Variants in FREM1 observed in about 807,000 individuals in gnomAD.
The protein encoded by FREM1 is FRAS1-related extracellular matrix protein 1.
In FREM1, 220 loss-of-function variants were observed where a neutral mutation model predicts 210.1. The ratio of observed to expected loss-of-function variants is 1.05; its 90% CI spans 0.94 to 1.17. FREM1 has a LOEUF of 1.17. Ranked by LOEUF, FREM1 falls within the 50% of genes most tolerant of loss-of-function variation. The pLI is 0.00. For synonymous variants in FREM1, 1,189 were observed against 980.2 expected (o/e 1.21, Z -3.98); for missense variants, 3,454 against 2,675.5 (o/e 1.29, Z -6.42).
Position 14,819,254 on chromosome 9 carries a change from A to T in FREM1, c.2526T>A (p.Asp842Glu). ...CTAACCTAACTTTTAAGGTATGGAGATCGCCCCAAGAAAATGTGCCCCCTG... is the reference window on the plus strand; with the variant it reads ...CTAACCTAACTTTTAAGGTATGGAGTTCGCCCCAAGAAAATGTGCCCCCTG... Reference protein sequence around the residue: ...LNSGGTFSWGDLHTLKVRYQH... With the variant: ...LNSGGTFSWGELHTLKVRYQH... Residue 842 changes from aspartate to glutamate, a missense_variant, in exon 14 of 37, where the codon GAT (aspartate) becomes GAA (glutamate). Coordinates refer to ENST00000380880, the MANE Select transcript of FREM1 (RefSeq NM_001379081.2). 6.2e-7 allele frequency: 1 copy of T among 1,613,050 alleles called. No individual in the cohort carries two copies. Among genetic ancestry groups the T allele is most frequent in the Non-Finnish European group, 8.5e-7 (1 of 1,179,240 alleles).
intron 29 of FREM1, among the ~76,000 whole-genome samples, chr9:14,750,713 A>G (rs1312134917): frequency 1.3e-5 from 2 of 152,116 alleles, no homozygotes; most frequent in Non-Finnish European, 2.9e-5. Flanking sequence ...AACCCTTGAA[A>G]TGATTGATTT....
At chr9:14,774,266 G>C in intron 25 of FREM1, 1 of 448,016 alleles carries the variant, frequency 2.2e-6, no homozygotes, top group Admixed American at 2.6e-5. Context: ...GTTTACATCA[G>C]TACATTTTGA....
At chr9:14,865,698 T>TGTGTGTGTGTGTGTGTGTGC (rs759644257) in intron 2 of FREM1, among the ~76,000 whole-genome samples, 5 of 150,524 alleles carry the variant, frequency 3.3e-5, no homozygotes, top group Admixed American at 6.6e-5. Flanking sequence ...TGTGTGTGTG[T>TGTGTGTGTGTGTGTGTGTGC]GCACATGCAC....
rs1414565156 is a variant in FREM1 at position 14,769,821 on chromosome 9, T to A, written c.5107A>T (p.Thr1703Ser). ...KFSQKDLNSK[T>S]ILYIINPSLE... ...GATGGGTTTATGATGTAAAGAATAG[T>A]CTTACTGTTTAAGTCCTTTTGGCTA... is the stretch of plus-strand genomic sequence containing the variant. Residue 1703 changes from threonine to serine, a missense_variant, in exon 27 of 37, where the codon ACT (threonine) becomes TCT (serine). Transcript: ENST00000380880. 4 of 1,603,822 alleles carry A rather than the reference T, an allele frequency of 2.5e-6. No individual in the cohort carries two copies. The East Asian group carries it at 6.7e-5, about 27-fold the overall frequency.
intron 24 of FREM1, among the ~76,000 whole-genome samples, chr9:14,778,314 T>TA (rs1035857869): frequency 3.4e-5 from 5 of 148,992 alleles, no homozygotes; most frequent in East Asian, 2.0e-4. Flanking sequence ...AATTATTTAT[T>TA]AAAAAAAATA....
intron 18 of FREM1, among the ~76,000 whole-genome samples, chr9:14,805,782 C>A (rs1818237914): frequency 6.6e-6 from 1 of 152,182 alleles, no homozygotes; most frequent in Non-Finnish European, 1.5e-5. Flanking sequence ...TTTGGAGAAT[C>A]ATTTATATGT....
rs771955857 is a variant in FREM1 at position 14,804,968 on chromosome 9, C to T, written c.3459G>A (p.Val1153=). Residue 1153 remains valine, a synonymous_variant, in exon 19 of 37, where the codon GTG becomes GTA. Transcript: ENST00000380880. ...PTNDEAPDFV[V]QNITVCEGQM... ...ATATGTTTCTTACAGTAATATTCTG[C>T]ACTACAAAGTCAGGAGCTTCATCAT... The T allele has an allele frequency of 6.2e-7, 1 of 1,609,842 alleles. No homozygotes were observed. Among genetic ancestry groups the T allele is most frequent in the South Asian group, 1.1e-5 (1 of 90,974 alleles).
intron 15 of FREM1, among the ~76,000 whole-genome samples, chr9:14,815,281 G>C (rs1297408382): frequency 6.6e-6 from 1 of 152,168 alleles, no homozygotes; most frequent in Non-Finnish European, 1.5e-5. Context: ...CAATGATTTT[G>C]GGCAAGTCAT....
Position 14,869,062 on chromosome 9 carries a change from CTCAT to C in FREM1, c.-89_-86del. The C allele has an allele frequency of 1.1e-6, 1 of 910,648 alleles. No individual in the cohort carries two copies. The highest frequency in any genetic ancestry group is 1.6e-6 in the Non-Finnish European group (1 of 612,724). The allele number at this position is 910,648 out of a possible 1,614,324, so 56.4% of individuals were successfully genotyped here. ...TCTGTGCTTCCTCCTGGAGGGTCAG[CTCAT>C]AGTCCAAGGGGCAGGGTGAGGGGTC... On this transcript the variant is annotated 5_prime_UTR_variant, in exon 2 of 37. The change abolishes an upstream ATG in the 5' untranslated region. Coordinates refer to ENST00000380880, the MANE Select transcript of FREM1 (RefSeq NM_001379081.2).
At position 14,851,445 on chromosome 9, in the gene FREM1, AG is replaced by A. The variant is rs757733587; in HGVS notation, c.990del (p.Leu331CysfsTer15). 2.5e-6 allele frequency: 4 copies of A among 1,613,828 alleles called. No homozygotes were observed. Among genetic ancestry groups the A allele is most frequent in the East Asian group, 2.2e-5 (1 of 44,884 alleles). On this transcript the variant is annotated frameshift_variant, in exon 6 of 37. Coordinates refer to ENST00000380880, the MANE Select transcript of FREM1 (RefSeq NM_001379081.2). LOFTEE classifies it high-confidence loss of function. ...LDCEEDETPK[P>X]LLVFNITKAP... ...GCTTTAGTAATGTTGAACACCAGCA[AG>A]GGTTTAGGGGTCTCATCTTCTTCAC...
intron 10 of FREM1, among the ~76,000 whole-genome samples, chr9:14,832,970 G>A (rs766648910): frequency 6.6e-6 from 1 of 152,202 alleles, no homozygotes; most frequent in Non-Finnish European, 1.5e-5. Flanking sequence ...CAGCCCAGCA[G>A]AACGGTCAGT....
chr9:14,742,738 T>A (rs1311581147), intron 35 of FREM1, among the ~76,000 whole-genome samples: 1 of 152,088 alleles, frequency 6.6e-6, no homozygotes, highest in African/African-American at 2.4e-5. Context: ...GATCCATAAT[T>A]TAATAAAAAT....
At chr9:14,762,265 G>A (rs1845629334) in intron 27 of FREM1, among the ~76,000 whole-genome samples, 1 of 152,150 alleles carries the variant, frequency 6.6e-6, no homozygotes, top group Admixed American at 6.6e-5. Flanking sequence ...GAGGACAGTG[G>A]GAAAGAATGA....
chr9:14,873,536 T>G (rs12235510), intron 1 of FREM1, among the ~76,000 whole-genome samples: 33,398 of 150,100 alleles, frequency 0.22, 4,260 homozygotes, highest in East Asian at 0.58. Context: ...CATTTTTTAT[T>G]GCATATATTT....
intron 29 of FREM1, among the ~76,000 whole-genome samples, chr9:14,750,562 CTTAA>C (rs1193374387): frequency 1.3e-5 from 2 of 152,320 alleles, no homozygotes; most frequent in African/African-American, 4.8e-5. Flanking sequence ...AGATCCAAGA[CTTAA>C]TTATTTTCCC....
rs752901566 is a variant in FREM1 at position 14,805,073 on chromosome 9, G to A, written c.3354C>T (p.Ala1118=). The A allele has an allele frequency of 7.4e-6, 12 of 1,612,798 alleles. No homozygotes were observed. Among genetic ancestry groups the A allele is most frequent in the East Asian group, 2.2e-5 (1 of 44,876 alleles). ...QSRHLRIEPT[A]DQFTVYVTDG... is the part of the protein sequence containing the mutation. ...CTGTGACGTACACCGTGAACTGGTC[G>A]GCAGTTGGTTCTATCCTCAGATGCC... The change falls in exon 19 of 37, where the codon GCC becomes GCT. Residue 1118 remains alanine (A), a synonymous_variant. Transcript: ENST00000380880.
At chr9:14,857,482 T>C in intron 5 of FREM1, 71 bp downstream of exon 5, 1 of 1,284,156 alleles carries the variant, frequency 7.8e-7, no homozygotes, top group Admixed American at 1.7e-5. Context: ...GGGGCGAGCA[T>C]GAGTAAGCCT....
intron 8 of FREM1, among the ~76,000 whole-genome samples, chr9:14,843,704 G>T (rs945054541): frequency 8.8e-5 from 13 of 148,426 alleles, no homozygotes; most frequent in African/African-American, 3.2e-4. Flanking sequence ...CATGGCAGCA[G>T]TTCTTAGAGG....
intron 10 of FREM1, among the ~76,000 whole-genome samples, chr9:14,833,951 G>T (rs1375600666): frequency 6.6e-6 from 1 of 152,126 alleles, no homozygotes; most frequent in Non-Finnish European, 1.5e-5. Flanking sequence ...AGTTGGGGGG[G>T]ATCCTCTGTT....
Sources: gnomAD v4.1 joint callset for allele counts (sites outside exome capture counted in the v4.1 genomes callset) on GRCh38, gnomAD v4.1.1 for gene constraint, MANE v1.5 for transcripts, NCBI Gene and HGNC (gene_info 2026-07-23, HGNC 2026-07-21) for gene names.